ABTB3: variants seen among roughly 807,000 people sequenced by gnomAD.
ABTB3 encodes the protein ankyrin repeat and BTB domain containing 3.
At chr12:107,590,869 T>C in the ABTB3 span, among the ~76,000 whole-genome samples, 3 of 152,182 alleles carry the variant, frequency 2.0e-5, no homozygotes, top group Middle Eastern at 3.2e-3. Context: ...TGGCCCACTC[T>C]TGAGTCTATT....
chr12:107,326,933 G>A, the ABTB3 span, among the ~76,000 whole-genome samples: 1 of 152,148 alleles, frequency 6.6e-6, no homozygotes, highest in Non-Finnish European at 1.5e-5. Context: ...TTCTCCTGAT[G>A]GGAATTTACT....
the ABTB3 span, among the ~76,000 whole-genome samples, chr12:107,537,611 A>G: frequency 6.6e-6 from 1 of 151,778 alleles, no homozygotes; most frequent in South Asian, 2.1e-4. Flanking sequence ...TCCCTTGCTC[A>G]CTCCAGGCTG....
the ABTB3 span, among the ~76,000 whole-genome samples, chr12:107,492,809 ACCTAGTG>A: frequency 6.6e-6 from 1 of 151,940 alleles, no homozygotes; most frequent in African/African-American, 2.4e-5. Context: ...ACAGGGAAAA[ACCTAGTG>A]CCACTTGTCT....
At chr12:107,540,952 G>A in the ABTB3 span, among the ~76,000 whole-genome samples, 1 of 152,176 alleles carries the variant, frequency 6.6e-6, no homozygotes, top group African/African-American at 2.4e-5. Context: ...TGATCACCCT[G>A]CTGCACTCCA....
chr12:107,350,518 C>T, the ABTB3 span, among the ~76,000 whole-genome samples: 1 of 151,728 alleles, frequency 6.6e-6, no homozygotes, highest in African/African-American at 2.4e-5. Flanking sequence ...TGCACTCCAG[C>T]CTGGGCAATA....
At chr12:107,537,820 C>T in the ABTB3 span, among the ~76,000 whole-genome samples, 414 of 152,266 alleles carry the variant, frequency 2.7e-3, 3 homozygotes, top group African/African-American at 9.2e-3. Context: ...AAGTTCGTCC[C>T]GCAGTTTTTC....
chr12:107,587,574 G>A, the ABTB3 span, among the ~76,000 whole-genome samples: 1 of 152,150 alleles, frequency 6.6e-6, no homozygotes, highest in Admixed American at 6.5e-5. Flanking sequence ...ATAGACGGTT[G>A]CACAACAGTG....
chr12:107,608,937 TAAAATAA>T, the ABTB3 span, among the ~76,000 whole-genome samples: 6 of 85,470 alleles, frequency 7.0e-5, no homozygotes, highest in East Asian at 4.6e-4. Flanking sequence ...TAAAATAAAA[TAAAATAA>T]ATAAAATAAA....
At chr12:107,459,623 G>A in the ABTB3 span, among the ~76,000 whole-genome samples, 7 of 152,248 alleles carry the variant, frequency 4.6e-5, no homozygotes, top group Admixed American at 4.6e-4. Flanking sequence ...TCTGGGGGAA[G>A]AATATTACGG....
chr12:107,433,974 A>G, the ABTB3 span, among the ~76,000 whole-genome samples: 1 of 152,110 alleles, frequency 6.6e-6, no homozygotes, highest in Non-Finnish European at 1.5e-5. Flanking sequence ...TCTGGGGTCC[A>G]TTTTATGGGG....
the ABTB3 span, among the ~76,000 whole-genome samples, chr12:107,362,608 C>T: frequency 6.6e-6 from 1 of 152,246 alleles, no homozygotes; most frequent in African/African-American, 2.4e-5. Context: ...GCCTGGGCAA[C>T]ATAGTGAGAC....
chr12:107,321,235 C>T, the ABTB3 span, among the ~76,000 whole-genome samples: 1 of 152,168 alleles, frequency 6.6e-6, no homozygotes, highest in Admixed American at 6.5e-5. Context: ...CTGTCTGTTT[C>T]CCGGGGGCTG....
chr12:107,495,406 C>T, the ABTB3 span, among the ~76,000 whole-genome samples: 1 of 152,198 alleles, frequency 6.6e-6, no homozygotes, highest in Admixed American at 6.5e-5. Flanking sequence ...GCGGGGATGG[C>T]CCGGCAGGCC....
chr12:107,611,996 T>C, the ABTB3 span, among the ~76,000 whole-genome samples: 1 of 152,260 alleles, frequency 6.6e-6, no homozygotes, highest in Non-Finnish European at 1.5e-5. Flanking sequence ...CCATTCCTTT[T>C]ATGCCTAGAA....
the ABTB3 span, among the ~76,000 whole-genome samples, chr12:107,500,782 A>G: frequency 1.0e-3 from 154 of 152,196 alleles, 1 homozygote; most frequent in African/African-American, 3.6e-3. Flanking sequence ...CGGCCTGGCT[A>G]CAGTCTTTTG....
the ABTB3 span, among the ~76,000 whole-genome samples, chr12:107,609,324 G>T: frequency 1.3e-5 from 2 of 152,282 alleles, no homozygotes; most frequent in Middle Eastern, 3.4e-3. Context: ...TTAATTGATT[G>T]ATCAGTTCAT....
chr12:107,601,238 GGA>G, the ABTB3 span, among the ~76,000 whole-genome samples: 29,839 of 152,018 alleles, frequency 0.2, 3,496 homozygotes, highest in African/African-American at 0.33. Context: ...GTAAGTACTG[GGA>G]TGTGAATTTT....
chr12:107,418,618 A>G, the ABTB3 span, among the ~76,000 whole-genome samples: 1 of 152,222 alleles, frequency 6.6e-6, no homozygotes, highest in Non-Finnish European at 1.5e-5. Context: ...GGCTGTGAGC[A>G]TCGTGAGAAC....
At chr12:107,406,834 T>A in the ABTB3 span, among the ~76,000 whole-genome samples, 1 of 152,110 alleles carries the variant, frequency 6.6e-6, no homozygotes, top group East Asian at 1.9e-4. Flanking sequence ...ATTCTTACCA[T>A]CCTTATCCCT....
Sources: allele counts gnomAD v4.1 joint callset (sites outside exome capture counted in the v4.1 genomes callset), GRCh38; gene constraint gnomAD v4.1.1; transcripts MANE v1.5; gene names NCBI Gene and HGNC (gene_info 2026-07-23, HGNC 2026-07-21).